The following PLPPR1 variants were observed in gnomAD, a reference collection of about 807,000 sequenced individuals.
PLPPR1 encodes phospholipid phosphatase related 1.
In PLPPR1, 10 loss-of-function variants were observed where a neutral mutation model predicts 33.1. The ratio of observed to expected loss-of-function variants is 0.30; its 90% confidence interval spans 0.19 to 0.51. The LOEUF is 0.51. Ranked by LOEUF, PLPPR1 falls within the 20% of genes least tolerant of loss-of-function variation. The pLI, the probability that PLPPR1 is intolerant of heterozygous loss-of-function variation, is 0.97. For synonymous variants in PLPPR1, 151 were observed against 151.0 expected (o/e 1.00, Z 0.00); for missense variants, 304 against 408.1 (o/e 0.74, Z 2.20).
intron 1 of PLPPR1, among the ~76,000 whole-genome samples, chr9:101,086,207 A>C (rs1470867775): frequency 6.6e-6 from 1 of 152,178 alleles, no homozygotes; most frequent in Non-Finnish European, 1.5e-5. Flanking sequence ...TCATGTCATC[A>C]CTTGAGCTCT....
At chr9:101,308,785 G>C (rs1828901138) in intron 4 of PLPPR1, among the ~76,000 whole-genome samples, 1 of 152,122 alleles carries the variant, frequency 6.6e-6, no homozygotes, top group Non-Finnish European at 1.5e-5. Context: ...GAGAACTGAT[G>C]TTGATTAATT....
At chr9:101,084,772 T>C (rs929459273) in intron 1 of PLPPR1, among the ~76,000 whole-genome samples, 3 of 152,196 alleles carry the variant, frequency 2.0e-5, no homozygotes, top group African/African-American at 7.2e-5. Context: ...CTTAAGAAAT[T>C]CAGTCTACCT....
chr9:101,099,498 A>C (rs1830868836), intron 1 of PLPPR1, among the ~76,000 whole-genome samples: 1 of 152,182 alleles, frequency 6.6e-6, no homozygotes, highest in African/African-American at 2.4e-5. Flanking sequence ...CCCATCCATG[A>C]ATTCAACCAA....
At chr9:101,073,178 T>C (rs1474398699) in intron 1 of PLPPR1, among the ~76,000 whole-genome samples, 1 of 152,224 alleles carries the variant, frequency 6.6e-6, no homozygotes, top group Non-Finnish European at 1.5e-5. Flanking sequence ...TTTAAAACTC[T>C]AATTTTTGCT....
In PLPPR1 at chr9:101,179,845, T is replaced by TA. The variant is rs1241085627; in HGVS notation, c.-45-5603dup. Among the ~76,000 whole-genome samples the TA allele has an allele frequency of 2.6e-5, 4 of 151,918 alleles. No individual in the cohort carries two copies. In the East Asian group the frequency reaches 7.8e-4, roughly 30 times the overall value. On this transcript the variant is annotated intron_variant, in intron 1 of 7. Transcript: ENST00000374874. The stretch of plus-strand genomic sequence containing the variant: ...TGGGCTGGGGAAGGCAAACCCACCT[T>TA]AATCTGGATGGGCACCATCTAATCA...
chr9:101,116,123 G>A (rs1037970105), intron 1 of PLPPR1, among the ~76,000 whole-genome samples: 1 of 152,196 alleles, frequency 6.6e-6, no homozygotes, highest in African/African-American at 2.4e-5. Flanking sequence ...ATAGAGTACT[G>A]ACTGTCTGAG....
intron 1 of PLPPR1, among the ~76,000 whole-genome samples, chr9:101,145,988 C>G (rs987397103): frequency 2.0e-5 from 3 of 152,086 alleles, no homozygotes; most frequent in African/African-American, 7.2e-5. Context: ...TGCATTCTAG[C>G]TTGGGTGATA....
At chr9:101,071,121 G>T (rs1830477884) in intron 1 of PLPPR1, among the ~76,000 whole-genome samples, 1 of 152,108 alleles carries the variant, frequency 6.6e-6, no homozygotes, top group Non-Finnish European at 1.5e-5. Flanking sequence ...GCAGGGTAAG[G>T]CCAGTTTGGT....
intron 2 of PLPPR1, among the ~76,000 whole-genome samples, chr9:101,218,352 C>T (rs559995940): frequency 6.6e-6 from 1 of 152,102 alleles, no homozygotes; most frequent in South Asian, 2.1e-4. Flanking sequence ...TGGAAGAAAC[C>T]ACAGAGGAAA....
At chr9:101,031,573 G>GA (rs907831662) in intron 1 of PLPPR1, among the ~76,000 whole-genome samples, 1 of 152,170 alleles carries the variant, frequency 6.6e-6, no homozygotes, top group African/African-American at 2.4e-5. Context: ...GGAGGCTGGG[G>GA]AAAAAAAGAT....
At chr9:101,321,247 G>A (rs190385914) in intron 7 of PLPPR1, among the ~76,000 whole-genome samples, 53 of 152,262 alleles carry the variant, frequency 3.5e-4, no homozygotes, top group Non-Finnish European at 6.0e-4. Context: ...ACTGGATGGG[G>A]AGGGCATCAG....
At chr9:101,175,660 A>G (rs1386621024) in intron 1 of PLPPR1, among the ~76,000 whole-genome samples, 1 of 152,202 alleles carries the variant, frequency 6.6e-6, no homozygotes, top group African/African-American at 2.4e-5. Flanking sequence ...AGTCATGCCT[A>G]ATGGGATACC....
chr9:101,236,638 G>A (rs1320994544), intron 2 of PLPPR1, among the ~76,000 whole-genome samples: 1 of 150,952 alleles, frequency 6.6e-6, no homozygotes, highest in African/African-American at 2.4e-5. Context: ...TGTAATAACT[G>A]TACATATCTA....
At chr9:101,215,355 C>T (rs186714709) in intron 2 of PLPPR1, among the ~76,000 whole-genome samples, 2 of 152,144 alleles carry the variant, frequency 1.3e-5, no homozygotes, top group Admixed American at 6.5e-5. Flanking sequence ...TCTCGGCTCA[C>T]TGCAACCTCC....
chr9:101,228,494 G>A (rs1034484232), intron 2 of PLPPR1, among the ~76,000 whole-genome samples: 4 of 152,070 alleles, frequency 2.6e-5, no homozygotes, highest in Admixed American at 6.6e-5. Context: ...AAAGCGCGGT[G>A]TAAAAAATTT....
At chr9:101,052,298 T>C (rs1830231345) in intron 1 of PLPPR1, among the ~76,000 whole-genome samples, 1 of 152,188 alleles carries the variant, frequency 6.6e-6, no homozygotes, top group South Asian at 2.1e-4. Flanking sequence ...TGGTGGTGAT[T>C]TGTCCCCTTG....
chr9:101,147,550 C>A (rs1158116414), intron 1 of PLPPR1, among the ~76,000 whole-genome samples: 1 of 151,894 alleles, frequency 6.6e-6, no homozygotes, highest in Non-Finnish European at 1.5e-5. Context: ...AAAAGAGACC[C>A]AGGAAATGGA....
At chr9:101,217,556 C>T (rs1036277093) in intron 2 of PLPPR1, among the ~76,000 whole-genome samples, 2 of 152,156 alleles carry the variant, frequency 1.3e-5, no homozygotes, top group African/African-American at 4.8e-5. Flanking sequence ...GTCACTTCTA[C>T]CTGTGGGCCA....
chr9:101,156,018 C>T (rs1831681510), intron 1 of PLPPR1, among the ~76,000 whole-genome samples: 1 of 152,190 alleles, frequency 6.6e-6, no homozygotes, highest in Non-Finnish European at 1.5e-5. Flanking sequence ...ATTTATCCAA[C>T]ACTTCTTCTG....
Sources: gnomAD v4.1 joint callset for allele counts (sites outside exome capture counted in the v4.1 genomes callset) on GRCh38, gnomAD v4.1.1 for gene constraint, MANE v1.5 for transcripts, NCBI Gene and HGNC (gene_info 2026-07-23, HGNC 2026-07-21) for gene names.